The following MBOAT2 variants were observed in gnomAD, a reference collection of about 807,000 sequenced individuals.
MBOAT2 encodes membrane bound glycerophospholipid O-acyltransferase 2.
MBOAT2 carries 28 observed loss-of-function variants against 63.4 expected under a neutral mutation model. That is an observed-to-expected ratio of 0.44 (90% CI 0.33 to 0.61). The LOEUF (loss-of-function observed/expected upper bound fraction) is 0.61. Ranked by LOEUF, MBOAT2 falls within the 20% of genes least tolerant of loss-of-function variation. The pLI, the probability that MBOAT2 is intolerant of heterozygous loss-of-function variation, is 0.03. For missense variants in MBOAT2, 470 were observed against 605.8 expected (o/e 0.78, Z 2.35); for synonymous variants, 211 against 215.6 (o/e 0.98, Z 0.19).
chr2:8,897,964 T>G (rs188850158), intron 4 of MBOAT2, among the ~76,000 whole-genome samples: 1 of 152,334 alleles, frequency 6.6e-6, no homozygotes, highest in East Asian at 1.9e-4. Flanking sequence ...GTAGTTCAGA[T>G]AGTGAGATCC....
chr2:8,984,991 A>T (rs188816623), intron 1 of MBOAT2, among the ~76,000 whole-genome samples: 1 of 152,322 alleles, frequency 6.6e-6, no homozygotes, highest in East Asian at 1.9e-4. Context: ...GGCTACACAG[A>T]ATGCAGCTTG....
chr2:8,900,218 C>A (rs1432473204), intron 4 of MBOAT2, among the ~76,000 whole-genome samples: 2 of 152,274 alleles, frequency 1.3e-5, no homozygotes, highest in South Asian at 4.1e-4. Flanking sequence ...GAGATCCATA[C>A]TGGGGATGGC....
chr2:8,858,442 G>T lies in MBOAT2; in HGVS notation c.*237C>A. The T allele has an allele frequency of 2.2e-6, 1 of 452,970 alleles. No homozygotes were observed. Among genetic ancestry groups the T allele is most frequent in the Non-Finnish European group, 3.9e-6 (1 of 254,652 alleles). 28.1% of individuals were successfully genotyped at this position (452,970 alleles called of 1,614,324 possible). A position where few individuals can be genotyped will look rare whatever the true frequency, so the allele number is the denominator to read the frequency against. ...GACCCTACGGACAAGTGCTGAGGTT[G>T]GGAGTGCCCACTGAAATATGGAAAT... On this transcript the variant is annotated 3_prime_UTR_variant, in exon 13 of 13. Coordinates refer to ENST00000305997, the MANE Select transcript of MBOAT2 (RefSeq NM_138799.4).
At chr2:8,962,385 T>G (rs755150373) in intron 1 of MBOAT2, among the ~76,000 whole-genome samples, 1 of 152,186 alleles carries the variant, frequency 6.6e-6, no homozygotes, top group Non-Finnish European at 1.5e-5. Flanking sequence ...TCTGATTCTC[T>G]TCTCCTTCTG....
intron 1 of MBOAT2, among the ~76,000 whole-genome samples, chr2:8,964,530 C>T (rs927420728): frequency 1.3e-5 from 2 of 150,126 alleles, no homozygotes; most frequent in Non-Finnish European, 2.9e-5. Flanking sequence ...TAAGCTTCTG[C>T]AATTTTTTTC....
intron 5 of MBOAT2, among the ~76,000 whole-genome samples, chr2:8,885,203 A>C (rs1240236870): frequency 2.0e-5 from 3 of 152,192 alleles, no homozygotes; most frequent in Non-Finnish European, 4.4e-5. Context: ...GTAAATTCGG[A>C]GTCAGGAATC....
chr2:8,958,469 T>C (rs1669383537), intron 2 of MBOAT2, 28 bp downstream of exon 2: 1 of 1,552,644 alleles, frequency 6.4e-7, no homozygotes, highest in Non-Finnish European at 8.7e-7. Context: ...ATAGTCTTCA[T>C]TTTAAAAGGA....
intron 3 of MBOAT2, among the ~76,000 whole-genome samples, chr2:8,941,192 T>A (rs1668028426): frequency 6.6e-6 from 1 of 152,188 alleles, no homozygotes; most frequent in African/African-American, 2.4e-5. Flanking sequence ...CTTTTCAAAT[T>A]AATTATCCAC....
At chr2:8,973,886 G>A (rs911844601) in intron 1 of MBOAT2, among the ~76,000 whole-genome samples, 5 of 152,106 alleles carry the variant, frequency 3.3e-5, no homozygotes, top group African/African-American at 1.2e-4. Flanking sequence ...CTGACATAAC[G>A]TTAATAGTGA....
intron 1 of MBOAT2, among the ~76,000 whole-genome samples, chr2:8,976,218 G>A (rs374505650): frequency 6.6e-6 from 1 of 151,984 alleles, no homozygotes; most frequent in African/African-American, 2.4e-5. Flanking sequence ...AGCAGAAAGC[G>A]AGCGATTTAA....
At chr2:8,895,333 T>C (rs557211157) in intron 4 of MBOAT2, among the ~76,000 whole-genome samples, 9 of 152,212 alleles carry the variant, frequency 5.9e-5, no homozygotes, top group African/African-American at 1.9e-4. Flanking sequence ...TTTTACAGAG[T>C]GCTGATTGGT....
chr2:8,995,671 A>G (rs1318066736), intron 1 of MBOAT2, among the ~76,000 whole-genome samples: 1 of 151,018 alleles, frequency 6.6e-6, no homozygotes, highest in Non-Finnish European at 1.5e-5. Context: ...GCTCACTGCA[A>G]GCTCTGCCTC....
At chr2:8,915,959 C>G (rs1173405612) in intron 3 of MBOAT2, among the ~76,000 whole-genome samples, 1 of 152,184 alleles carries the variant, frequency 6.6e-6, no homozygotes, top group Non-Finnish European at 1.5e-5. Context: ...TCTCACCCTC[C>G]TTGCAACTGA....
At chr2:8,987,961 T>C (rs1157366250) in intron 1 of MBOAT2, among the ~76,000 whole-genome samples, 3 of 152,216 alleles carry the variant, frequency 2.0e-5, no homozygotes, top group Non-Finnish European at 2.9e-5. Context: ...ATGAGAAATA[T>C]ACAAACTAAA....
intron 1 of MBOAT2, among the ~76,000 whole-genome samples, chr2:8,986,904 T>C (rs1008381125): frequency 9.2e-5 from 14 of 152,196 alleles, no homozygotes; most frequent in African/African-American, 3.4e-4. Flanking sequence ...AACCCAACCA[T>C]GCTGGCACCT....
chr2:8,862,789 G>C lies in MBOAT2; in HGVS notation c.1053-67C>G. ...GACCCGAGTTTACAAAGCCTGCAAT[G>C]ATCATTCTTTTATTACCTGACAGGA... is the stretch of plus-strand genomic sequence containing the variant. On this transcript the variant is annotated intron_variant, in intron 10 of 12. Coordinates refer to ENST00000305997, the MANE Select transcript of MBOAT2 (RefSeq NM_138799.4). This position sits in a 1 kb window ranked among gnomAD's most constrained non-coding sequence, Gnocchi z 4.3. The C allele has an allele frequency of 6.5e-7, 1 of 1,533,806 alleles. No individual in the cohort carries two copies.
chr2:8,930,400 G>C lies in MBOAT2; in HGVS notation c.299+12787C>G, dbSNP rs559723352. 1.5e-4 allele frequency among the ~76,000 whole-genome samples: 23 copies of C among 150,788 alleles called. No individual in the cohort carries two copies. The South Asian group carries it at 4.8e-3, about 32-fold the overall frequency. On this transcript the variant is annotated intron_variant, in intron 3 of 12. Coordinates refer to ENST00000305997, the MANE Select transcript of MBOAT2 (RefSeq NM_138799.4). ...CCAGCTTCATCCATGTTCCTACAAA[G>C]GACATGAACTCATCTTTTTTATGGC... is the stretch of plus-strand genomic sequence containing the variant.
chr2:8,888,108 G>C, intron 4 of MBOAT2, 35 bp from the exon 5 acceptor site: 2 of 1,574,654 alleles, frequency 1.3e-6, no homozygotes, highest in East Asian at 2.2e-5. Flanking sequence ...TGTTTTAAAA[G>C]AAGAAAGTTA....
intron 1 of MBOAT2, among the ~76,000 whole-genome samples, chr2:8,984,138 T>C (rs1257157813): frequency 6.6e-6 from 1 of 152,090 alleles, no homozygotes; most frequent in African/African-American, 2.4e-5. Flanking sequence ...ATATGCTAAG[T>C]GAAATTAAAC....
Sources: allele counts gnomAD v4.1 joint callset (sites outside exome capture counted in the v4.1 genomes callset), GRCh38; gene constraint gnomAD v4.1.1; non-coding constraint Gnocchi (gnomAD v3.1); transcripts MANE v1.5; gene names NCBI Gene and HGNC (gene_info 2026-07-23, HGNC 2026-07-21).